Variants in SLC16A7 observed in about 807,000 individuals in gnomAD.
SLC16A7 encodes the protein monocarboxylate transporter 2.
SLC16A7 carries 33 observed loss-of-function variants against 34.9 expected under a neutral mutation model. That is an observed-to-expected ratio of 0.94 (90% CI 0.72 to 1.26). The LOEUF is 1.26. Ranked by LOEUF, SLC16A7 falls within the 50% of genes most tolerant of loss-of-function variation. The pLI, the probability that SLC16A7 is intolerant of heterozygous loss-of-function variation, is 0.00. For missense variants in SLC16A7, 573 were observed against 578.1 expected, an observed-to-expected ratio of 0.99 and a Z score of 0.09; for synonymous variants, 201 against 206.6, an observed-to-expected ratio of 0.97 and a Z score of 0.23.
intron 2 of SLC16A7, among the ~76,000 whole-genome samples, chr12:59,695,045 A>T (rs1872117424): frequency 1.3e-5 from 2 of 151,918 alleles, no homozygotes; most frequent in African/African-American, 2.4e-5. Context: ...ACTTGTCAAG[A>T]TCTCTTTTAT....
At chr12:59,662,756 G>A (rs1407035641) in intron 2 of SLC16A7, among the ~76,000 whole-genome samples, 2 of 152,022 alleles carry the variant, frequency 1.3e-5, no homozygotes, top group South Asian at 4.1e-4. Flanking sequence ...TGATTACAAA[G>A]GTGACTAAAG....
chr12:59,768,872 C>T (rs1881945784), intron 3 of SLC16A7, among the ~76,000 whole-genome samples: 2 of 151,984 alleles, frequency 1.3e-5, no homozygotes, highest in African/African-American at 2.4e-5. Flanking sequence ...TGGTGGCACA[C>T]ACCTGTGGTC....
chr12:59,675,509 A>G (rs1870233687), intron 2 of SLC16A7, among the ~76,000 whole-genome samples: 1 of 152,120 alleles, frequency 6.6e-6, no homozygotes, highest in Non-Finnish European at 1.5e-5. Flanking sequence ...ACAAATTTCC[A>G]TTGTTGAAGC....
At chr12:59,618,803 T>G (rs1879571232) in intron 1 of SLC16A7, among the ~76,000 whole-genome samples, 1 of 152,030 alleles carries the variant, frequency 6.6e-6, no homozygotes, top group African/African-American at 2.4e-5. Flanking sequence ...TGAAAATCAC[T>G]TTTTTTCTGA....
At chr12:59,717,313 T>A (rs1335269890) in intron 3 of SLC16A7, among the ~76,000 whole-genome samples, 1 of 152,042 alleles carries the variant, frequency 6.6e-6, no homozygotes, top group Non-Finnish European at 1.5e-5. Context: ...TACACAGAGG[T>A]TGTCATTAAC....
At chr12:59,709,110 T>A (rs1266239660) in intron 3 of SLC16A7, among the ~76,000 whole-genome samples, 1 of 151,656 alleles carries the variant, frequency 6.6e-6, no homozygotes, top group Non-Finnish European at 1.5e-5. Context: ...GCAATATTTG[T>A]TTTTGTATTC....
At chr12:59,623,420 C>A (rs1231173684) in intron 1 of SLC16A7, among the ~76,000 whole-genome samples, 3 of 151,588 alleles carry the variant, frequency 2.0e-5, no homozygotes, top group Non-Finnish European at 4.4e-5. Flanking sequence ...GCTTTCAATT[C>A]ATGAGAATGG....
At chr12:59,697,137 A>C (rs996830698) in intron 2 of SLC16A7, among the ~76,000 whole-genome samples, 2 of 152,138 alleles carry the variant, frequency 1.3e-5, no homozygotes, top group Non-Finnish European at 2.9e-5. Context: ...TTGACAATTC[A>C]GAGAACTAAC....
At chr12:59,614,173 C>T (rs1281471379) in intron 1 of SLC16A7, among the ~76,000 whole-genome samples, 2 of 151,906 alleles carry the variant, frequency 1.3e-5, no homozygotes, top group South Asian at 2.1e-4. Context: ...GCCTCAGCCT[C>T]CTGAGTAACT....
At position 59,701,535 on chromosome 12, in the gene SLC16A7, T is replaced by TAA. The variant is rs1214750697; in HGVS notation, c.-30-3235_-30-3234dup. ...AGGAGCAAACCAAGTAGAATGCTTT[T>TAA]AAAGGGTCTATAAGTTCAAATTATT... is the stretch of plus-strand genomic sequence containing the variant. On this transcript the variant is annotated intron_variant, in intron 2 of 5. Coordinates refer to ENST00000547379, the MANE Select transcript of SLC16A7 (RefSeq NM_001270623.2). 2.6e-5 allele frequency among the ~76,000 whole-genome samples: 4 copies of TAA among 151,668 alleles called. No individual in the cohort carries two copies. The East Asian group carries it at 5.8e-4, about 22-fold the overall frequency.
At chr12:59,604,375 G>A (rs887857866) in intron 1 of SLC16A7, among the ~76,000 whole-genome samples, 1 of 152,200 alleles carries the variant, frequency 6.6e-6, no homozygotes, top group Non-Finnish European at 1.5e-5. Context: ...TGATAGGAAA[G>A]CTCACTTTAA....
intron 3 of SLC16A7, among the ~76,000 whole-genome samples, chr12:59,711,398 C>T (rs1162828000): frequency 1.3e-5 from 2 of 152,150 alleles, no homozygotes; most frequent in Admixed American, 6.5e-5. Context: ...AGCTAGCTAG[C>T]AAGCTGCATA....
rs985545660 is a variant in SLC16A7, at chr12:59,763,012, C to T, written c.218-8207C>T. On this transcript the variant is annotated intron_variant, in intron 3 of 5. Transcript: ENST00000547379. ...TTTATTTTTATTTGCAAAAACATTG[C>T]ACATACATCTAATTTTTAAAAATTT... 2.6e-4 allele frequency among the ~76,000 whole-genome samples: 39 copies of T among 151,962 alleles called. 1 individual carries two copies. Among genetic ancestry groups the T allele is most frequent in the African/African-American group, 9.2e-4 (38 of 41,496 alleles).
chr12:59,721,800 C>G (rs1396019347), intron 3 of SLC16A7, among the ~76,000 whole-genome samples: 3 of 151,954 alleles, frequency 2.0e-5, no homozygotes, highest in Non-Finnish European at 4.4e-5. Context: ...TGATACAGTA[C>G]TTAATCACCC....
chr12:59,763,220 G>T (rs565854415), intron 3 of SLC16A7, among the ~76,000 whole-genome samples: 4 of 152,120 alleles, frequency 2.6e-5, no homozygotes, highest in Non-Finnish European at 4.4e-5. Flanking sequence ...AGCAGATACA[G>T]GTTTTTGTCT....
intron 2 of SLC16A7, among the ~76,000 whole-genome samples, chr12:59,670,364 A>T (rs1480603710): frequency 1.3e-5 from 2 of 152,088 alleles, no homozygotes; most frequent in Non-Finnish European, 1.5e-5. Context: ...GCTTCAAGGG[A>T]TCTTTTTTGA....
intron 2 of SLC16A7, among the ~76,000 whole-genome samples, chr12:59,657,385 T>C (rs1004899346): frequency 2.6e-5 from 4 of 152,124 alleles, no homozygotes; most frequent in African/African-American, 9.6e-5. Context: ...GTCTTAGCTG[T>C]TTTATATTGT....
intron 1 of SLC16A7, among the ~76,000 whole-genome samples, chr12:59,623,538 A>G (rs897882653): frequency 1.3e-5 from 2 of 151,732 alleles, no homozygotes; most frequent in African/African-American, 4.8e-5. Context: ...ATATATTGAG[A>G]TACCATATAT....
chr12:59,735,066 A>G (rs1458373668), intron 3 of SLC16A7, among the ~76,000 whole-genome samples: 1 of 152,230 alleles, frequency 6.6e-6, no homozygotes, highest in Non-Finnish European at 1.5e-5. Context: ...TAGCTTATGA[A>G]TAAATTTTGA....
Sources: gnomAD v4.1 joint callset for allele counts (sites outside exome capture counted in the v4.1 genomes callset) on GRCh38, gnomAD v4.1.1 for gene constraint, MANE v1.5 for transcripts, NCBI Gene and HGNC (gene_info 2026-07-23, HGNC 2026-07-21) for gene names.